The following DNAJC7 variants were observed in gnomAD, a reference collection of about 807,000 sequenced individuals.
The protein encoded by DNAJC7 is dnaJ homolog subfamily C member 7.
In DNAJC7, 18 loss-of-function variants were observed where a neutral mutation model predicts 67.4. The ratio of observed to expected loss-of-function variants is 0.27; its 90% CI spans 0.18 to 0.40. The LOEUF is 0.40. Among genes scored for constraint, DNAJC7 ranks in the 10% least tolerant of loss-of-function variants. The pLI is 1.00. For synonymous variants in DNAJC7, 220 were observed against 207.8 expected, an observed-to-expected ratio of 1.06 and a Z score of -0.50; for missense variants, 419 against 613.8, an observed-to-expected ratio of 0.68 and a Z score of 3.35.
chr17:42,008,642 C>T (rs963818199), intron 1 of DNAJC7, among the ~76,000 whole-genome samples: 4 of 152,120 alleles, frequency 2.6e-5, no homozygotes, highest in Non-Finnish European at 5.9e-5. Context: ...AATCTCCTGA[C>T]CTCATGATCC....
At chr17:41,986,530 CT>C (rs74268062) in intron 9 of DNAJC7, among the ~76,000 whole-genome samples, 1,327 of 128,680 alleles carry the variant, frequency 0.01, 6 homozygotes, top group African/African-American at 0.021. Context: ...CTCCCCCCGC[CT>C]TTTTTTTTTT....
At chr17:41,983,422 G>T in intron 10 of DNAJC7, 141 bp downstream of exon 10, 1 of 753,344 alleles carries the variant, frequency 1.3e-6, no homozygotes, top group Non-Finnish European at 2.1e-6. Flanking sequence ...ACCACGCCCA[G>T]CCTTTGTTCA....
At chr17:41,995,547 C>T (rs554505221) in intron 4 of DNAJC7, among the ~76,000 whole-genome samples, 1 of 152,256 alleles carries the variant, frequency 6.6e-6, no homozygotes, top group South Asian at 2.1e-4. Flanking sequence ...TACACAAATA[C>T]CACTGTGTTA....
rs190912216 is a variant in DNAJC7 at position 41,981,769 on chromosome 17, T to C, written c.1384+86A>G. 845 of 1,547,138 alleles carry C rather than the reference T, an allele frequency of 5.5e-4. 2 individuals carry two copies. Among genetic ancestry groups the C allele is most frequent in the South Asian group, 3.7e-3 (297 of 80,212 alleles). On this transcript the variant is annotated intron_variant, in intron 12 of 13. Coordinates refer to ENST00000457167, the MANE Select transcript of DNAJC7 (RefSeq NM_003315.4). ...GACCAGGGATCAGATTTGGCCCAAA[T>C]AGACTCTCCCTCTGGAGCATCTTTG...
intron 1 of DNAJC7, among the ~76,000 whole-genome samples, chr17:42,010,097 G>A (rs549171472): frequency 3.5e-4 from 53 of 152,236 alleles, no homozygotes; most frequent in Non-Finnish European, 6.3e-4. Context: ...AGCCGAGATC[G>A]TGCCATTGCA....
At chr17:42,016,358 G>T (rs551257520) in intron 1 of DNAJC7, 2 of 152,302 alleles carry the variant, frequency 1.3e-5, no homozygotes, top group African/African-American at 4.8e-5. Flanking sequence ...TTGGTATGAA[G>T]ATATAAAGTA....
intron 5 of DNAJC7, among the ~76,000 whole-genome samples, chr17:41,993,869 T>C (rs758815595): frequency 6.2e-4 from 67 of 108,390 alleles, no homozygotes; most frequent in Non-Finnish European, 1.1e-3. Flanking sequence ...AAACCCCGTC[T>C]CTACTAAAAA....
chr17:41,982,086 T>C (rs1481088754), intron 11 of DNAJC7, 79 bp from the exon 12 acceptor site: 23 of 1,575,208 alleles, frequency 1.5e-5, no homozygotes, highest in Non-Finnish European at 1.9e-5. Flanking sequence ...AACTACTTTC[T>C]GTCTAATTTT....
In DNAJC7 at chr17:41,976,584, C is replaced by A. The variant is rs781890591; in HGVS notation, c.*149G>T. On this transcript the variant is annotated 3_prime_UTR_variant, in exon 14 of 14. Coordinates refer to ENST00000457167, the MANE Select transcript of DNAJC7 (RefSeq NM_003315.4). ...GGCATTGGTTCCCTTTGCTCCACCC[C>A]ACTCACAGAGACACAGGGCATCCAA... The A allele has an allele frequency of 4.0e-6, 4 of 998,200 alleles. No individual in the cohort carries two copies. The highest frequency in any genetic ancestry group is 3.3e-5 in the South Asian group (2 of 60,594). The allele number at this position is 998,200 out of a possible 1,614,324, so 61.8% of individuals were successfully genotyped here.
chr17:41,981,073 T>C (rs2051237010), intron 12 of DNAJC7, among the ~76,000 whole-genome samples: 2 of 152,144 alleles, frequency 1.3e-5, no homozygotes, highest in Non-Finnish European at 1.5e-5. Context: ...TCTCACTCTG[T>C]TGCCCAGGCT....
intron 4 of DNAJC7, 54 bp from the exon 5 acceptor site, chr17:41,994,998 A>G: frequency 6.7e-7 from 1 of 1,497,976 alleles, no homozygotes; most frequent in Middle Eastern, 1.7e-4. Flanking sequence ...AGATTAAACA[A>G]CCACAAAAAA....
intron 1 of DNAJC7, among the ~76,000 whole-genome samples, chr17:42,006,703 A>G (rs2051967175): frequency 6.9e-6 from 1 of 144,594 alleles, no homozygotes; most frequent in South Asian, 2.2e-4. Flanking sequence ...ACGCTGATGC[A>G]GGAGAATCCC....
intron 1 of DNAJC7, chr17:42,011,623 G>A (rs1157707695): frequency 6.6e-6 from 1 of 152,088 alleles, no homozygotes; most frequent in Non-Finnish European, 1.5e-5. Context: ...CTTCACATCT[G>A]ACTACACTTA....
chr17:42,004,950 G>C (rs2051907232), intron 1 of DNAJC7, among the ~76,000 whole-genome samples: 1 of 152,160 alleles, frequency 6.6e-6, no homozygotes, highest in Non-Finnish European at 1.5e-5. Flanking sequence ...ACTTGAGCCT[G>C]GGAGGTTGAG....
rs1555647141 is a variant in DNAJC7 at position 41,987,927 on chromosome 17, G to A, written c.919-17C>T. ...TTTCCTAAGCTTCAGGAGAGAGAGA[G>A]CAATCATACTTCACACCTTTGGTGA... On this transcript the variant is annotated splice_polypyrimidine_tract_variant and intron_variant, in intron 8 of 13. Coordinates refer to ENST00000457167, the MANE Select transcript of DNAJC7 (RefSeq NM_003315.4). 1 of 1,599,222 alleles carries A rather than the reference G, an allele frequency of 6.3e-7. No individual in the cohort carries two copies.
chr17:41,999,104 C>G (rs561493436), intron 2 of DNAJC7, among the ~76,000 whole-genome samples: 4 of 150,022 alleles, frequency 2.7e-5, no homozygotes, highest in African/African-American at 9.8e-5. Flanking sequence ...TTTTTTGAGA[C>G]GGAGATTCGC....
chr17:41,987,572 G>A, intron 9 of DNAJC7: 2 of 468,750 alleles, frequency 4.3e-6, no homozygotes, highest in Non-Finnish European at 7.6e-6. Context: ...ATTTGGGTCA[G>A]GCATCAGAGG....
intron 4 of DNAJC7, 122 bp from the exon 5 acceptor site, chr17:41,995,066 T>C (rs2051619953): frequency 1.6e-5 from 14 of 856,320 alleles, no homozygotes; most frequent in Non-Finnish European, 1.9e-5. Context: ...CCTCTTTTGA[T>C]AGAGATAGGG....
intron 12 of DNAJC7, among the ~76,000 whole-genome samples, chr17:41,980,864 A>C (rs2051230837): frequency 6.6e-6 from 1 of 152,248 alleles, no homozygotes; most frequent in Non-Finnish European, 1.5e-5. Flanking sequence ...TGGGTAAAAA[A>C]GAACTTCCAG....
Sources: gnomAD v4.1 joint callset for allele counts (sites outside exome capture counted in the v4.1 genomes callset) on GRCh38, gnomAD v4.1.1 for gene constraint, MANE v1.5 for transcripts, NCBI Gene and HGNC (gene_info 2026-07-23, HGNC 2026-07-21) for gene names.